Variants in NDRG3 observed in about 807,000 individuals in gnomAD.
NDRG3 encodes the protein protein NDRG3.
In NDRG3, 23 loss-of-function variants were observed where a neutral mutation model predicts 57.2. The observed-to-expected ratio is 0.40, with a 90% CI of 0.29 to 0.57. The LOEUF is 0.57. Among genes scored for constraint, NDRG3 ranks in the 20% least tolerant of loss-of-function variants. The pLI is 0.42. For missense variants in NDRG3, 384 were observed against 457.3 expected, an observed-to-expected ratio of 0.84 and a Z score of 1.46; for synonymous variants, 132 against 162.6, an observed-to-expected ratio of 0.81 and a Z score of 1.43.
chr20:36,697,876 C>T (rs1353354757), intron 3 of NDRG3, among the ~76,000 whole-genome samples: 1 of 151,382 alleles, frequency 6.6e-6, no homozygotes, highest in Non-Finnish European at 1.5e-5. Context: ...CTAATGTCTA[C>T]ATATAGTTTA....
At chr20:36,670,264 T>TGTAA (rs1160599265) in intron 9 of NDRG3, among the ~76,000 whole-genome samples, 1 of 152,178 alleles carries the variant, frequency 6.6e-6, no homozygotes, top group Non-Finnish European at 1.5e-5. Context: ...TGCATTACAC[T>TGTAA]GTAAGTATTA....
chr20:36,715,006 GTATATATA>G (rs545495779), intron 2 of NDRG3, among the ~76,000 whole-genome samples: 673 of 26,528 alleles, frequency 0.025, 6 homozygotes, highest in Middle Eastern at 0.062. Context: ...GTGTGTGTGT[GTATATATA>G]TATATATATA....
chr20:36,684,302 G>C, intron 6 of NDRG3, 111 bp downstream of exon 6: 2 of 837,520 alleles, frequency 2.4e-6, no homozygotes, highest in Non-Finnish European at 4.0e-6. Flanking sequence ...TAAGCTCTAG[G>C]AGGACAGTGA....
chr20:36,664,902 T>A, intron 12 of NDRG3, 144 bp downstream of exon 12: 3 of 802,392 alleles, frequency 3.7e-6, no homozygotes, highest in Non-Finnish European at 6.7e-6. Context: ...TTGCCCAGGC[T>A]GGTCTCAAAC....
intron 1 of NDRG3, among the ~76,000 whole-genome samples, chr20:36,733,087 C>A (rs904248534): frequency 7.3e-6 from 1 of 137,282 alleles, no homozygotes; most frequent in Non-Finnish European, 1.5e-5. Context: ...GTGAAGGCTA[C>A]AGCAAGCTGA....
chr20:36,665,471 G>A (rs1206175797), intron 10 of NDRG3, among the ~76,000 whole-genome samples, 170 bp from the exon 11 acceptor site: 1 of 152,144 alleles, frequency 6.6e-6, no homozygotes, highest in Admixed American at 6.5e-5. Context: ...CATTTCAGTG[G>A]CATCCTGGGT....
At chr20:36,697,963 CTTTTTTT>C (rs1026025529) in intron 3 of NDRG3, among the ~76,000 whole-genome samples, 352 of 123,058 alleles carry the variant, frequency 2.9e-3, no homozygotes, top group African/African-American at 9.7e-3. Context: ...TTTCTTTTTT[CTTTTTTT>C]TTTTTTTTTT....
chr20:36,690,843 A>G (rs1467207086), intron 3 of NDRG3, among the ~76,000 whole-genome samples: 1 of 151,972 alleles, frequency 6.6e-6, no homozygotes, highest in Non-Finnish European at 1.5e-5. Context: ...TAGAGCAGAC[A>G]AAAGATGCAC....
chr20:36,684,896 G>T (rs1433305967), intron 5 of NDRG3, among the ~76,000 whole-genome samples: 1 of 152,024 alleles, frequency 6.6e-6, no homozygotes, highest in Admixed American at 6.6e-5. Flanking sequence ...TTTACCAAAG[G>T]CTCAAAGGAG....
At chr20:36,654,687 G>A (rs1301198238) in intron 15 of NDRG3, 7 of 731,024 alleles carry the variant, frequency 9.6e-6, no homozygotes, top group African/African-American at 5.1e-5. Context: ...GGGGCGTACT[G>A]AGCCACGTTC....
chr20:36,723,215 A>G (rs376036684), intron 1 of NDRG3, among the ~76,000 whole-genome samples: 1 of 152,212 alleles, frequency 6.6e-6, no homozygotes. Flanking sequence ...CTATAGCAAT[A>G]GAGAACTAAT....
intron 3 of NDRG3, among the ~76,000 whole-genome samples, chr20:36,706,567 C>T (rs752712046): frequency 7.2e-5 from 11 of 152,156 alleles, no homozygotes; most frequent in Non-Finnish European, 1.0e-4. Context: ...TGCAGTAGCA[C>T]GATCTCGGCT....
chr20:36,734,650 G>A (rs1261942350), intron 1 of NDRG3, among the ~76,000 whole-genome samples: 1 of 152,074 alleles, frequency 6.6e-6, no homozygotes, highest in African/African-American at 2.4e-5. Context: ...TCTCAACCTT[G>A]GCACAACTGA....
At chr20:36,660,416 TTA>T in intron 12 of NDRG3, 32 bp from the exon 13 acceptor site, 1 of 1,581,366 alleles carries the variant, frequency 6.3e-7, no homozygotes, top group South Asian at 1.1e-5. Context: ...GAAAATAATT[TTA>T]TGAGTTGCTA....
rs539604145 is a variant in NDRG3 at position 36,689,841 on chromosome 20, C to T, written c.94-1057G>A. Among the ~76,000 whole-genome samples, 8 of 151,780 alleles carry T rather than the reference C, an allele frequency of 5.3e-5. No homozygotes were observed. The South Asian group carries it at 1.7e-3, about 32-fold the overall frequency. ...GTTCACGCCATTCTCCTGGCTCAGC[C>T]TCCCAAGTAGCTGGGACTACAGGCA... On this transcript the variant is annotated intron_variant, in intron 3 of 15. Transcript: ENST00000349004.
chr20:36,715,000 GTGTGTGTATATATATATA>G lies in NDRG3; in HGVS notation c.57+6661_57+6678del, dbSNP rs1350925078. 5.1e-3 allele frequency among the ~76,000 whole-genome samples: 287 copies of G among 56,506 alleles called. 1 individual carries two copies. Among genetic ancestry groups the G allele is most frequent in the African/African-American group, 0.018 (226 of 12,812 alleles). 37.1% of individuals were successfully genotyped at this position (56,506 alleles called of 152,430 possible). On this transcript the variant is annotated intron_variant, in intron 2 of 15. Coordinates refer to ENST00000349004, the MANE Select transcript of NDRG3 (RefSeq NM_032013.4). ...CCTATATCTGTGTGTGTGTGTGTGT[GTGTGTGTATATATATATA>G]TATATATATATATATATATATATAT...
chr20:36,687,310 A>C (rs1283760793), intron 5 of NDRG3, among the ~76,000 whole-genome samples, 182 bp downstream of exon 5: 3 of 152,204 alleles, frequency 2.0e-5, no homozygotes, highest in Non-Finnish European at 4.4e-5. Context: ...AGTTTCCCCC[A>C]AAAAACTGTA....
chr20:36,656,470 T>C (rs749374194), intron 14 of NDRG3, 27 bp downstream of exon 14: 21 of 1,614,026 alleles, frequency 1.3e-5, no homozygotes, highest in Non-Finnish European at 1.7e-5. Flanking sequence ...CAGAATTAAA[T>C]GGGTGTTTAA....
chr20:36,741,935 A>AT (rs919829471), intron 1 of NDRG3, among the ~76,000 whole-genome samples: 5 of 152,108 alleles, frequency 3.3e-5, no homozygotes, highest in Admixed American at 2.6e-4. Flanking sequence ...AGCCAAGCCA[A>AT]TTTTTTTACT....
Sources: allele counts gnomAD v4.1 joint callset (sites outside exome capture counted in the v4.1 genomes callset), GRCh38; gene constraint gnomAD v4.1.1; transcripts MANE v1.5; gene names NCBI Gene and HGNC (gene_info 2026-07-23, HGNC 2026-07-21).